ADGRL4: variants seen among roughly 807,000 people sequenced by gnomAD.
ADGRL4 encodes EGF, latrophilin and seven transmembrane domain containing 1.
A neutral mutation model predicts 74.8 loss-of-function variants in ADGRL4; 90 were observed. The observed-to-expected ratio is 1.20, with a 90% CI of 1.02 to 1.43. The LOEUF is 1.43. Ranked by LOEUF, ADGRL4 falls within the 40% of genes most tolerant of loss-of-function variation. ADGRL4 has a pLI of 0.00. For missense variants in ADGRL4, 881 were observed against 814.3 expected (o/e 1.08, Z -1.00); for synonymous variants, 311 against 279.2 (o/e 1.11, Z -1.14).
In ADGRL4 at chr1:78,889,868, T is replaced by A. The variant is rs1181813127; in HGVS notation, c.*1286A>T. On this transcript the variant is annotated 3_prime_UTR_variant, in exon 15 of 15. Transcript: ENST00000370742. ...CACAAATTTAGTGTATTGGCACACT[T>A]TTACAGGTCGGCAAAGAAAAATTAC... 1 of 455,880 alleles carries A rather than the reference T, an allele frequency of 2.2e-6. No homozygotes were observed. The highest frequency in any genetic ancestry group is 4.5e-6 in the Non-Finnish European group (1 of 220,304). The allele number at this position is 455,880 out of a possible 1,614,324, so 28.2% of individuals were successfully genotyped here. A position where few individuals can be genotyped will look rare whatever the true frequency, so the allele number is the denominator to read the frequency against.
At chr1:78,913,150 A>T (rs1290223587) in intron 12 of ADGRL4, among the ~76,000 whole-genome samples, 1 of 151,964 alleles carries the variant, frequency 6.6e-6, no homozygotes, top group Non-Finnish European at 1.5e-5. Flanking sequence ...GATGCTGGTG[A>T]AGTTGGGGAG....
intron 2 of ADGRL4, among the ~76,000 whole-genome samples, chr1:78,981,424 T>C (rs1412702736): frequency 6.6e-6 from 1 of 151,898 alleles, no homozygotes; most frequent in Non-Finnish European, 1.5e-5. Context: ...CCAGAACTGA[T>C]TCAGATATAA....
rs538090355 is a variant in ADGRL4, at chr1:78,892,571, A to T, written c.1841+527T>A. Among the ~76,000 whole-genome samples the T allele has an allele frequency of 3.3e-5, 5 of 152,146 alleles. No individual in the cohort carries two copies. In the South Asian group the frequency reaches 1.0e-3, roughly 31 times the overall value. ...AAAGAAAGTAATCGATCAAACATTT[A>T]TTAAATCCCAACTATAAATCTTGTG... On this transcript the variant is annotated intron_variant, in intron 13 of 14. Transcript: ENST00000370742.
At chr1:78,911,333 A>G (rs540257911) in intron 12 of ADGRL4, among the ~76,000 whole-genome samples, 1 of 151,798 alleles carries the variant, frequency 6.6e-6, no homozygotes, top group South Asian at 2.1e-4. Context: ...ACCTTCATAT[A>G]AGGCCATAAA....
At chr1:78,988,679 TCTC>T (rs1235483655) in intron 2 of ADGRL4, among the ~76,000 whole-genome samples, 3 of 151,720 alleles carry the variant, frequency 2.0e-5, no homozygotes, top group Non-Finnish European at 4.4e-5. Flanking sequence ...ACACATCACT[TCTC>T]CTAGGCATTG....
intron 2 of ADGRL4, among the ~76,000 whole-genome samples, chr1:79,004,267 TTCTC>T (rs77039476): frequency 0.15 from 23,107 of 150,358 alleles, 1,895 homozygotes; most frequent in East Asian, 0.25. Flanking sequence ...CCTAGTACTT[TTCTC>T]TCTCTCTCTC....
At chr1:78,980,883 C>A (rs1016668569) in intron 2 of ADGRL4, among the ~76,000 whole-genome samples, 1 of 151,836 alleles carries the variant, frequency 6.6e-6, no homozygotes, top group East Asian at 1.9e-4. Context: ...TAAATGTAAC[C>A]GAAATTTCTA....
At chr1:78,996,387 T>G (rs1650715245) in intron 2 of ADGRL4, among the ~76,000 whole-genome samples, 1 of 152,154 alleles carries the variant, frequency 6.6e-6, no homozygotes, top group Admixed American at 6.6e-5. Context: ...TATAAAAAAC[T>G]TAAATGTATA....
Position 78,936,308 on chromosome 1 carries a change from T to G in ADGRL4, c.864A>C (p.Ala288=). ...YINIFPKRKA[A]YDSNGNVAVA... Reference sequence around the variant, plus strand: ...TTAAAGTCCTACCATTTGAATCATATGCAGCTTTTCTCTTTGGAAATATAT... The same window carrying G: ...TTAAAGTCCTACCATTTGAATCATAGGCAGCTTTTCTCTTTGGAAATATAT... Residue 288 remains alanine (A), a synonymous_variant, in exon 7 of 15, where the codon GCA becomes GCC. Transcript: ENST00000370742. 1 of 1,594,264 alleles carries G rather than the reference T, an allele frequency of 6.3e-7. No individual in the cohort carries two copies. The highest frequency in any genetic ancestry group is 8.5e-7 in the Non-Finnish European group (1 of 1,172,764).
chr1:78,968,608 T>C (rs1013374031), intron 2 of ADGRL4, among the ~76,000 whole-genome samples: 1 of 152,072 alleles, frequency 6.6e-6, no homozygotes, highest in Non-Finnish European at 1.5e-5. Flanking sequence ...AATGCAAACT[T>C]CACTGGCTGA....
chr1:78,939,120 G>A, intron 4 of ADGRL4, 68 bp downstream of exon 4: 2 of 1,449,364 alleles, frequency 1.4e-6, no homozygotes, highest in Non-Finnish European at 1.8e-6. Context: ...TGAAATGTGT[G>A]ACATTGAAAG....
intron 2 of ADGRL4, among the ~76,000 whole-genome samples, chr1:78,985,813 G>A (rs758754243): frequency 6.6e-6 from 1 of 151,732 alleles, no homozygotes; most frequent in Non-Finnish European, 1.5e-5. Flanking sequence ...AGAAAATGTG[G>A]TATATACACA....
intron 2 of ADGRL4, among the ~76,000 whole-genome samples, chr1:78,998,615 C>T (rs981738217): frequency 6.6e-6 from 1 of 152,062 alleles, no homozygotes; most frequent in Non-Finnish European, 1.5e-5. Flanking sequence ...ACCCACCTGC[C>T]TCGGCTTAGC....
intron 2 of ADGRL4, among the ~76,000 whole-genome samples, chr1:78,996,836 T>G (rs896406142): frequency 2.6e-5 from 4 of 152,180 alleles, no homozygotes; most frequent in Non-Finnish European, 4.4e-5. Context: ...GAAAAAATAC[T>G]TTAGGTTTGT....
intron 2 of ADGRL4, among the ~76,000 whole-genome samples, chr1:78,958,624 T>C (rs574062402): frequency 3.9e-5 from 6 of 152,294 alleles, no homozygotes; most frequent in South Asian, 2.1e-4. Flanking sequence ...TTGCTTCTTA[T>C]GAATAAGCAA....
chr1:78,969,963 A>G (rs1353733294), intron 2 of ADGRL4, among the ~76,000 whole-genome samples: 8 of 152,178 alleles, frequency 5.3e-5, no homozygotes, highest in Non-Finnish European at 4.4e-5. Context: ...GGGAATAAAT[A>G]GAATGCTCAC....
chr1:78,987,001 A>G (rs899445219), intron 2 of ADGRL4, among the ~76,000 whole-genome samples: 1 of 151,806 alleles, frequency 6.6e-6, no homozygotes, highest in Non-Finnish European at 1.5e-5. Flanking sequence ...ATAAATCATG[A>G]CACGATGGTA....
chr1:78,970,982 G>A (rs531968295), intron 2 of ADGRL4, among the ~76,000 whole-genome samples: 2 of 152,236 alleles, frequency 1.3e-5, no homozygotes, highest in East Asian at 3.9e-4. Flanking sequence ...CTGGTAAAAG[G>A]CCTTGGGATT....
intron 2 of ADGRL4, among the ~76,000 whole-genome samples, chr1:78,966,636 C>T (rs938298892): frequency 6.6e-6 from 1 of 152,096 alleles, no homozygotes; most frequent in East Asian, 1.9e-4. Flanking sequence ...TGAGCAGGGG[C>T]TCCTCACTCC....
Sources: allele counts gnomAD v4.1 joint callset (sites outside exome capture counted in the v4.1 genomes callset), GRCh38; gene constraint gnomAD v4.1.1; transcripts MANE v1.5; gene names NCBI Gene and HGNC (gene_info 2026-07-23, HGNC 2026-07-21).